FRMD6: variants seen among roughly 807,000 people sequenced by gnomAD.
FRMD6 encodes FERM domain-containing protein 6.
FRMD6 carries 37 observed loss-of-function variants against 73.2 expected under a neutral mutation model. The observed-to-expected ratio is 0.51, with a 90% CI of 0.39 to 0.66. The LOEUF is 0.66. Among genes scored for constraint, FRMD6 ranks in the 30% least tolerant of loss-of-function variants. The pLI is 0.00. For synonymous variants in FRMD6, 273 were observed against 282.2 expected (o/e 0.97, Z 0.33); for missense variants, 714 against 780.5 (o/e 0.91, Z 1.02).
chr14:51,725,628 T>C (rs1267000424), intron 12 of FRMD6, 151 bp from the exon 13 acceptor site: 2 of 595,702 alleles, frequency 3.4e-6, no homozygotes, highest in African/African-American at 1.9e-5. Context: ...TGTGCTGTTC[T>C]GGTTGTCTGC....
chr14:51,616,388 C>T (rs1167799553), intron 2 of FRMD6, among the ~76,000 whole-genome samples: 1 of 152,038 alleles, frequency 6.6e-6, no homozygotes, highest in Non-Finnish European at 1.5e-5. Context: ...AATGGGTTGC[C>T]CATGTTGAGA....
chr14:51,620,039 C>T (rs1326578995), intron 2 of FRMD6, among the ~76,000 whole-genome samples: 1 of 152,124 alleles, frequency 6.6e-6, no homozygotes, highest in Non-Finnish European at 1.5e-5. Context: ...CCTTTATGAG[C>T]CCCAAGTGCC....
the FRMD6 span, among the ~76,000 whole-genome samples, chr14:51,423,560 C>T: frequency 6.6e-6 from 1 of 152,126 alleles, no homozygotes; most frequent in African/African-American, 2.4e-5. Flanking sequence ...CTGTCTTCTC[C>T]TTCTCACCCT....
intron 2 of FRMD6, among the ~76,000 whole-genome samples, chr14:51,624,268 CA>C (rs1487770928): frequency 6.6e-6 from 1 of 152,150 alleles, no homozygotes; most frequent in African/African-American, 2.4e-5. Flanking sequence ...ACCTATGTAA[CA>C]AACCTTCACA....
intron 1 of FRMD6, among the ~76,000 whole-genome samples, chr14:51,688,450 A>G (rs1895324662): frequency 6.6e-6 from 1 of 152,174 alleles, no homozygotes; most frequent in Non-Finnish European, 1.5e-5. Context: ...ATCTAAGAAT[A>G]TATTCTTTCC....
intron 2 of FRMD6, among the ~76,000 whole-genome samples, chr14:51,642,118 A>C (rs10137918): frequency 0.14 from 21,286 of 152,220 alleles, 1,604 homozygotes; most frequent in Middle Eastern, 0.21. Flanking sequence ...GATTTCAGTG[A>C]AAGTACAACT....
Position 51,728,806 on chromosome 14 carries a change from T to A in FRMD6, c.*777T>A, listed in dbSNP as rs566078951. 7 of 152,590 alleles carry A rather than the reference T, an allele frequency of 4.6e-5. No individual in the cohort carries two copies. The highest frequency in any genetic ancestry group is 1.3e-4 in the Admixed American group (2 of 15,278). 9.5% of individuals were successfully genotyped at this position (152,590 alleles called of 1,614,324 possible). A position where few individuals can be genotyped will look rare whatever the true frequency, so the allele number is the denominator to read the frequency against. ...TTACAAAACCAGTGTCTGTTAAAAC[T>A]TTGGAAAATGTCTTAGAAAACGTTG... On this transcript the variant is annotated 3_prime_UTR_variant, in exon 14 of 14. Coordinates refer to ENST00000344768, the MANE Select transcript of FRMD6 (RefSeq NM_001267046.2).
At chr14:51,554,299 G>A (rs1054218900) in intron 1 of FRMD6, among the ~76,000 whole-genome samples, 1 of 152,048 alleles carries the variant, frequency 6.6e-6, no homozygotes, top group African/African-American at 2.4e-5. Context: ...GTATAAAAGA[G>A]ACAAATCTCC....
chr14:51,486,979 T>C (rs904227641), upstream of FRMD6, among the ~76,000 whole-genome samples: 1 of 151,904 alleles, frequency 6.6e-6, no homozygotes, highest in South Asian at 2.1e-4. Flanking sequence ...AATGTTGTTC[T>C]GGGACCAGCA....
chr14:51,627,228 A>G (rs1029070303), intron 2 of FRMD6, among the ~76,000 whole-genome samples: 2 of 152,224 alleles, frequency 1.3e-5, no homozygotes, highest in Non-Finnish European at 1.5e-5. Context: ...CAAGCCCTGC[A>G]CTAGCCAAAC....
the FRMD6 span, among the ~76,000 whole-genome samples, chr14:51,453,394 T>G: frequency 1.3e-5 from 2 of 152,026 alleles, no homozygotes; most frequent in African/African-American, 4.8e-5. Flanking sequence ...CAAAGAGCTG[T>G]GGTTAATGTC....
At chr14:51,663,499 C>T (rs1479953926) in intron 1 of FRMD6, among the ~76,000 whole-genome samples, 1 of 152,188 alleles carries the variant, frequency 6.6e-6, no homozygotes, top group African/African-American at 2.4e-5. Flanking sequence ...TAATCCTCAG[C>T]AAACTAATGC....
At chr14:51,588,875 T>C (rs1889211051) in intron 2 of FRMD6, among the ~76,000 whole-genome samples, 1 of 152,232 alleles carries the variant, frequency 6.6e-6, no homozygotes, top group Non-Finnish European at 1.5e-5. Context: ...CAGTGTGGCT[T>C]GGTCACTGCC....
Position 51,720,161 on chromosome 14 carries a change from A to G in FRMD6, c.1131A>G (p.Lys377=). Residue 377 remains lysine, a synonymous_variant, in exon 11 of 14, where the codon AAA becomes AAG. Transcript: ENST00000344768. ...RASGSSAGSM[K]HKRLSRHSTA... The stretch of plus-strand genomic sequence containing the variant: ...GCGGGAGCAGTGCGGGCAGCATGAA[A>G]CACAAGCGCCTGTCCCGTCATTCCA... 19 of 1,613,926 alleles carry G rather than the reference A, an allele frequency of 1.2e-5. No individual in the cohort carries two copies. The highest frequency in any genetic ancestry group is 1.5e-5 in the Non-Finnish European group (18 of 1,180,018).
chr14:51,536,095 TATAG>T (rs1885875166), intron 1 of FRMD6, among the ~76,000 whole-genome samples: 1 of 138,944 alleles, frequency 7.2e-6, no homozygotes. Context: ...TATATATATA[TATAG>T]AGAGAGAGAG....
chr14:51,727,541 C>T (rs539529672), intron 13 of FRMD6, among the ~76,000 whole-genome samples: 68 of 152,196 alleles, frequency 4.5e-4, no homozygotes, highest in Admixed American at 1.8e-3. Context: ...AGTAATTGCT[C>T]GGTAAATGTT....
At chr14:51,650,557 G>C (rs1457595947), upstream of FRMD6, 2 of 151,150 alleles carry the variant, frequency 1.3e-5, no homozygotes, top group Non-Finnish European at 2.9e-5. Context: ...CACTACGCCC[G>C]GCTAATTTTT....
At chr14:51,609,776 T>C (rs1200006139) in intron 2 of FRMD6, among the ~76,000 whole-genome samples, 1 of 152,150 alleles carries the variant, frequency 6.6e-6, no homozygotes, top group Non-Finnish European at 1.5e-5. Context: ...ACCTGTCATG[T>C]TAAGGATTAG....
At chr14:51,449,318 T>C in the FRMD6 span, among the ~76,000 whole-genome samples, 1 of 152,180 alleles carries the variant, frequency 6.6e-6, no homozygotes, top group Admixed American at 6.5e-5. Flanking sequence ...AGGAGAAACA[T>C]GAAAATCAGT....
Sources: gnomAD v4.1 joint callset for allele counts (sites outside exome capture counted in the v4.1 genomes callset) on GRCh38, gnomAD v4.1.1 for gene constraint, MANE v1.5 for transcripts, NCBI Gene and HGNC (gene_info 2026-07-23, HGNC 2026-07-21) for gene names.